The following RANBP2 variants were observed in gnomAD, a reference collection of about 807,000 sequenced individuals.
The protein encoded by RANBP2 is E3 SUMO-protein ligase RanBP2.
In RANBP2, 57 loss-of-function variants were observed where a neutral mutation model predicts 303.6. The observed-to-expected ratio is 0.19, with a 90% confidence interval of 0.15 to 0.23. The LOEUF (loss-of-function observed/expected upper bound fraction) is 0.23, where lower values mean the gene tolerates loss of function less well. Among genes scored for constraint, RANBP2 ranks in the 10% least tolerant of loss-of-function variants. RANBP2 has a pLI of 1.00. For synonymous variants in RANBP2, 1,167 were observed against 1,301.5 expected, an observed-to-expected ratio of 0.90 and a Z score of 2.23; for missense variants, 3,138 against 3,780.8, an observed-to-expected ratio of 0.83 and a Z score of 4.46.
chr2:109,129,420 G>C, the RANBP2 span: 2 of 1,461,582 alleles, frequency 1.4e-6, no homozygotes, highest in Admixed American at 4.1e-5. Flanking sequence ...GCCACCAGCC[G>C]GGGTGAAGAA....
At chr2:109,604,182 A>G in the RANBP2 span, among the ~76,000 whole-genome samples, 2 of 146,460 alleles carry the variant, frequency 1.4e-5, no homozygotes, top group East Asian at 4.0e-4. Flanking sequence ...AAAAAAAAGA[A>G]TTAAAAAAAA....
At chr2:109,588,551 T>C in the RANBP2 span, among the ~76,000 whole-genome samples, 2 of 152,078 alleles carry the variant, frequency 1.3e-5, no homozygotes, top group Non-Finnish European at 2.9e-5. Context: ...TGGAGTGAAG[T>C]GGTATGATCT....
At chr2:108,910,847 C>A in the RANBP2 span, 1 of 1,614,100 alleles carries the variant, frequency 6.2e-7, no homozygotes, top group Non-Finnish European at 8.5e-7. Flanking sequence ...GCTGGTGCAA[C>A]AGGCTGGGGA....
At chr2:109,016,627 G>A in the RANBP2 span, among the ~76,000 whole-genome samples, 1 of 152,226 alleles carries the variant, frequency 6.6e-6, no homozygotes, top group Admixed American at 6.5e-5. Flanking sequence ...AGCAAGCCCG[G>A]GACCTGGCTG....
the RANBP2 span, among the ~76,000 whole-genome samples, chr2:109,177,320 T>C: frequency 6.6e-6 from 1 of 152,140 alleles, no homozygotes; most frequent in African/African-American, 2.4e-5. Context: ...TTCTTTTATA[T>C]CTACTAAGAA....
the RANBP2 span, among the ~76,000 whole-genome samples, chr2:109,653,642 G>A: frequency 1.3e-5 from 2 of 152,140 alleles, no homozygotes; most frequent in African/African-American, 4.8e-5. Flanking sequence ...GTGTCTCTGA[G>A]TCCTTCTGGG....
the RANBP2 span, among the ~76,000 whole-genome samples, chr2:109,474,970 TTTG>T: frequency 7.1e-4 from 103 of 145,452 alleles, no homozygotes; most frequent in East Asian, 2.8e-3. Context: ...TTGGGTTTTT[TTTG>T]TTTGTTTGTT....
chr2:109,400,290 C>T, the RANBP2 span, among the ~76,000 whole-genome samples: 1 of 152,068 alleles, frequency 6.6e-6, no homozygotes, highest in South Asian at 2.1e-4. Flanking sequence ...CACTCCCACG[C>T]ACATGTGCAC....
chr2:109,270,455 T>C, the RANBP2 span, among the ~76,000 whole-genome samples: 1 of 152,290 alleles, frequency 6.6e-6, no homozygotes, highest in East Asian at 1.9e-4. Context: ...ACATTTCTTC[T>C]TGTTTCCACT....
chr2:109,400,590 CTT>C, the RANBP2 span, among the ~76,000 whole-genome samples: 5 of 151,746 alleles, frequency 3.3e-5, no homozygotes, highest in South Asian at 2.1e-4. Context: ...CACACACACA[CTT>C]GTGAACTTAT....
At chr2:109,663,768 C>T in the RANBP2 span, among the ~76,000 whole-genome samples, 1 of 152,178 alleles carries the variant, frequency 6.6e-6, no homozygotes, top group South Asian at 2.1e-4. Flanking sequence ...TGATAGAACA[C>T]CTAAATTAAA....
chr2:109,379,047 G>C, the RANBP2 span, among the ~76,000 whole-genome samples: 1 of 152,170 alleles, frequency 6.6e-6, no homozygotes, highest in East Asian at 1.9e-4. Flanking sequence ...GGAGAGGCTA[G>C]AGAACCCAGA....
the RANBP2 span, among the ~76,000 whole-genome samples, chr2:108,906,868 C>A: frequency 6.6e-6 from 1 of 152,160 alleles, no homozygotes; most frequent in Non-Finnish European, 1.5e-5. Flanking sequence ...GTGGCAGCCC[C>A]ATTACAGAGG....
chr2:109,300,838 G>C, the RANBP2 span, among the ~76,000 whole-genome samples: 1 of 152,176 alleles, frequency 6.6e-6, no homozygotes, highest in Admixed American at 6.5e-5. Context: ...TGCCTTCCAA[G>C]GCTCCTACTA....
the RANBP2 span, among the ~76,000 whole-genome samples, chr2:109,668,719 A>G: frequency 6.6e-6 from 1 of 152,270 alleles, no homozygotes; most frequent in South Asian, 2.1e-4. Flanking sequence ...ACTATAGGCC[A>G]GTTTTGCTTA....
chr2:109,029,540 CT>C, the RANBP2 span, among the ~76,000 whole-genome samples: 59 of 152,330 alleles, frequency 3.9e-4, no homozygotes, highest in African/African-American at 1.4e-3. Context: ...ACCTGGTCCT[CT>C]CAATGAGGGG....
At chr2:108,917,646 A>C in the RANBP2 span, among the ~76,000 whole-genome samples, 3 of 151,920 alleles carry the variant, frequency 2.0e-5, no homozygotes, top group African/African-American at 4.8e-5. Context: ...CTAAGACTAG[A>C]GGGGGGTCAA....
chr2:109,400,267 G>A, the RANBP2 span, among the ~76,000 whole-genome samples: 1 of 150,624 alleles, frequency 6.6e-6, no homozygotes, highest in African/African-American at 2.4e-5. Context: ...GCACATGCCC[G>A]CCCGCACATA....
At chr2:109,450,875 T>G in the RANBP2 span, among the ~76,000 whole-genome samples, 5 of 152,234 alleles carry the variant, frequency 3.3e-5, no homozygotes, top group Admixed American at 6.5e-5. Flanking sequence ...TTGACATCTT[T>G]CCATATAAAA....
Sources: gnomAD v4.1 joint callset for allele counts (sites outside exome capture counted in the v4.1 genomes callset) on GRCh38, gnomAD v4.1.1 for gene constraint, MANE v1.5 for transcripts, NCBI Gene and HGNC (gene_info 2026-07-23, HGNC 2026-07-21) for gene names.